Variants in PPP6R3 observed in about 807,000 individuals in gnomAD.
PPP6R3 encodes the protein protein phosphatase 6 regulatory subunit 3, also known as serine/threonine-protein phosphatase 6 regulatory subunit 3.
PPP6R3 carries 38 observed loss-of-function variants against 110.7 expected under a neutral mutation model. That is an observed-to-expected ratio of 0.34 (90% confidence interval 0.26 to 0.45). The LOEUF (loss-of-function observed/expected upper bound fraction) is 0.45, where lower values mean the gene tolerates loss of function less well. Among genes scored for constraint, PPP6R3 ranks in the 20% least tolerant of loss-of-function variants. PPP6R3 has a pLI of 1.00. For synonymous variants in PPP6R3, 369 were observed against 373.5 expected, an observed-to-expected ratio of 0.99 and a Z score of 0.14; for missense variants, 870 against 1,062.4, an observed-to-expected ratio of 0.82 and a Z score of 2.52.
intron 22 of PPP6R3, among the ~76,000 whole-genome samples, chr11:68,605,181 A>G (rs1938865313): frequency 1.3e-5 from 2 of 152,108 alleles, no homozygotes; most frequent in African/African-American, 4.8e-5. Flanking sequence ...CTCTGCAAAA[A>G]ATACAAAAAT....
intron 18 of PPP6R3, 60 bp downstream of exon 18, chr11:68,591,766 T>C: frequency 1.3e-6 from 2 of 1,538,528 alleles, no homozygotes; most frequent in Non-Finnish European, 1.8e-6. Context: ...ATGATTATCA[T>C]GAGACATACA....
At position 68,614,755 on chromosome 11, in the gene PPP6R3, C is replaced by T. The variant is rs1944900336; in HGVS notation, c.*1638C>T. 3 of 1,538,718 alleles carry T rather than the reference C, an allele frequency of 1.9e-6. No individual in the cohort carries two copies. Among genetic ancestry groups the T allele is most frequent in the Non-Finnish European group, 2.6e-6 (3 of 1,138,598 alleles). ...GGAACCCCCTTTCCCGGGTGAGCCC[C>T]TCTCTGAAGAGACTGTCCTTGGGCC... On this transcript the variant is annotated 3_prime_UTR_variant, in exon 24 of 24. Transcript: ENST00000393800.
At chr11:68,538,276 T>C (rs747026136) in intron 3 of PPP6R3, among the ~76,000 whole-genome samples, 1 of 152,216 alleles carries the variant, frequency 6.6e-6, no homozygotes, top group Non-Finnish European at 1.5e-5. Flanking sequence ...GCATTGCTTA[T>C]ACAATACATT....
chr11:68,464,126 G>A (rs1281490509), intron 1 of PPP6R3, among the ~76,000 whole-genome samples: 1 of 152,174 alleles, frequency 6.6e-6, no homozygotes, highest in Non-Finnish European at 1.5e-5. Context: ...GAAATGGTGG[G>A]ATTGAGAATC....
chr11:68,488,049 G>T (rs2098959465), intron 1 of PPP6R3, among the ~76,000 whole-genome samples: 1 of 152,076 alleles, frequency 6.6e-6, no homozygotes, highest in South Asian at 2.1e-4. Context: ...CTGTTATTAG[G>T]CAAATACACA....
intron 1 of PPP6R3, among the ~76,000 whole-genome samples, chr11:68,514,260 G>T (rs1482159034): frequency 2.6e-5 from 4 of 152,028 alleles, no homozygotes; most frequent in Non-Finnish European, 4.4e-5. Context: ...TTGTAGGGGT[G>T]GGATCTCACT....
chr11:68,514,785 A>G (rs1234117051), intron 1 of PPP6R3, among the ~76,000 whole-genome samples: 2 of 151,954 alleles, frequency 1.3e-5, no homozygotes, highest in Admixed American at 6.6e-5. Context: ...GGGTTTCGCC[A>G]TGTTGGCCAG....
intron 1 of PPP6R3, among the ~76,000 whole-genome samples, chr11:68,503,355 A>C (rs1345520631): frequency 5.3e-5 from 8 of 152,222 alleles, no homozygotes; most frequent in African/African-American, 1.7e-4. Context: ...AAATAAAACA[A>C]ATGTGAATTT....
intron 3 of PPP6R3, among the ~76,000 whole-genome samples, chr11:68,542,269 T>C (rs1326706070): frequency 6.6e-6 from 1 of 151,630 alleles, no homozygotes; most frequent in African/African-American, 2.4e-5. Context: ...TAGGGCTGGG[T>C]TCCCTTCTGA....
chr11:68,575,863 G>C lies in PPP6R3; in HGVS notation c.1460-95G>C. ...GGCCTGCTCACCATTGATGAACCAG[G>C]TGAGTAGGCCCACTTTTATATTACC... On this transcript the variant is annotated intron_variant, in intron 13 of 23. Coordinates refer to ENST00000393800, the MANE Select transcript of PPP6R3 (RefSeq NM_001164161.2). 4.8e-6 allele frequency: 4 copies of C among 836,382 alleles called. No homozygotes were observed. In the Admixed American group the frequency reaches 9.2e-5, roughly 19 times the overall value. 51.8% of individuals were successfully genotyped at this position (836,382 alleles called of 1,614,324 possible). A position where few individuals can be genotyped will look rare whatever the true frequency, so the allele number is the denominator to read the frequency against.
At position 68,490,331 on chromosome 11, in the gene PPP6R3, C is replaced by T. The variant is rs528870941; in HGVS notation, c.-157-29170C>T. ...CTTTGCTACCCTGTAGGTAAGGTTC[C>T]CTCCCACCTTGATTTCTTTTAAGAT... On this transcript the variant is annotated intron_variant, in intron 1 of 23. Coordinates refer to ENST00000393800, the MANE Select transcript of PPP6R3 (RefSeq NM_001164161.2). 4.6e-5 allele frequency among the ~76,000 whole-genome samples: 7 copies of T among 152,138 alleles called. No homozygotes were observed. In the South Asian group the frequency reaches 1.5e-3, roughly 32 times the overall value.
chr11:68,517,692 C>T (rs1466483624), intron 1 of PPP6R3, among the ~76,000 whole-genome samples: 3 of 152,190 alleles, frequency 2.0e-5, no homozygotes, highest in African/African-American at 4.8e-5. Flanking sequence ...AATCCCAGAA[C>T]TTTGGGAGGC....
At chr11:68,594,047 T>C (rs1217581986) in intron 18 of PPP6R3, among the ~76,000 whole-genome samples, 1 of 151,932 alleles carries the variant, frequency 6.6e-6, no homozygotes, top group Non-Finnish European at 1.5e-5. Flanking sequence ...GAAACAAGTA[T>C]ATATGAAAAC....
At chr11:68,579,353 C>T (rs1468725885) in intron 14 of PPP6R3, among the ~76,000 whole-genome samples, 1 of 152,146 alleles carries the variant, frequency 6.6e-6, no homozygotes, top group African/African-American at 2.4e-5. Context: ...TTTGCTTTTT[C>T]CTGTAACAAC....
chr11:68,545,097 C>G (rs967898927), intron 4 of PPP6R3, 73 bp downstream of exon 4: 27 of 1,207,926 alleles, frequency 2.2e-5, no homozygotes, highest in Non-Finnish European at 3.0e-5. Context: ...GTACTTGTTG[C>G]TTTAAGAGTT....
intron 1 of PPP6R3, among the ~76,000 whole-genome samples, chr11:68,515,970 G>A (rs1471040407): frequency 1.3e-5 from 2 of 152,104 alleles, no homozygotes; most frequent in Non-Finnish European, 2.9e-5. Context: ...TCATAACATT[G>A]TGCAATCAGC....
chr11:68,585,712 C>G (rs1038957324), intron 15 of PPP6R3, among the ~76,000 whole-genome samples: 1 of 152,114 alleles, frequency 6.6e-6, no homozygotes, highest in African/African-American at 2.4e-5. Context: ...AGGATTACAT[C>G]TGATCATTTT....
chr11:68,529,653 T>A (rs758099731), intron 2 of PPP6R3, among the ~76,000 whole-genome samples: 55 of 152,242 alleles, frequency 3.6e-4, no homozygotes, highest in Non-Finnish European at 6.8e-4. Context: ...TTGCTATAAA[T>A]GTTTCTAGGT....
intron 18 of PPP6R3, among the ~76,000 whole-genome samples, chr11:68,594,319 A>G (rs1186931334): frequency 1.4e-5 from 2 of 140,356 alleles, no homozygotes; most frequent in Non-Finnish European, 3.1e-5. Context: ...AGAGAGAGAG[A>G]AAAAGAGAGA....
Sources: gnomAD v4.1 joint callset for allele counts (sites outside exome capture counted in the v4.1 genomes callset) on GRCh38, gnomAD v4.1.1 for gene constraint, MANE v1.5 for transcripts, NCBI Gene and HGNC (gene_info 2026-07-23, HGNC 2026-07-21) for gene names.